PPP1R9A: variants seen among roughly 807,000 people sequenced by gnomAD.
PPP1R9A encodes neurabin-1.
In PPP1R9A, 59 loss-of-function variants were observed where a neutral mutation model predicts 141.9. That is an observed-to-expected ratio of 0.42 (90% confidence interval 0.34 to 0.52). PPP1R9A has a LOEUF of 0.52. Ranked by LOEUF, PPP1R9A falls within the 20% of genes least tolerant of loss-of-function variation. PPP1R9A has a pLI of 0.10. For missense variants in PPP1R9A, 1,444 were observed against 1,611.9 expected, an observed-to-expected ratio of 0.90 and a Z score of 1.78; for synonymous variants, 500 against 569.7, an observed-to-expected ratio of 0.88 and a Z score of 1.74.
chr7:94,996,076 A>G (rs187630536), intron 2 of PPP1R9A, among the ~76,000 whole-genome samples: 98 of 152,282 alleles, frequency 6.4e-4, no homozygotes, highest in Admixed American at 4.2e-3. Context: ...CTATTTCTCC[A>G]TAAATTACAA....
chr7:95,267,215 A>G lies in PPP1R9A; in HGVS notation c.2666-1335A>G, dbSNP rs1005719874. 3.3e-5 allele frequency among the ~76,000 whole-genome samples: 5 copies of G among 152,274 alleles called. No individual in the cohort carries two copies. In the East Asian group the frequency reaches 9.6e-4, roughly 29 times the overall value. ...CTTCCTTGCTTTGGTTTTGTAGTAT[A>G]GCATATTTAGAGCACATCTAGAATA... On this transcript the variant is annotated intron_variant, in intron 12 of 19. Transcript: ENST00000433360.
At chr7:95,078,550 C>T (rs1208349032) in intron 2 of PPP1R9A, among the ~76,000 whole-genome samples, 15 of 152,220 alleles carry the variant, frequency 9.9e-5, no homozygotes, top group South Asian at 2.1e-4. Flanking sequence ...CCTGAGGAAT[C>T]GCCACACTGA....
intron 2 of PPP1R9A, among the ~76,000 whole-genome samples, chr7:95,087,861 C>G (rs1018299391): frequency 6.6e-6 from 1 of 150,384 alleles, no homozygotes; most frequent in African/African-American, 2.5e-5. Flanking sequence ...TGCCACTGCA[C>G]TCCAGCCTAG....
At chr7:95,274,030 G>T in intron 15 of PPP1R9A, 44 bp downstream of exon 15, 1 of 1,496,366 alleles carries the variant, frequency 6.7e-7, no homozygotes, top group Non-Finnish European at 9.1e-7. Context: ...TGTAAAAGGA[G>T]GATTGAAAGA....
chr7:95,273,824 G>T (rs1310739128), intron 14 of PPP1R9A, 75 bp from the exon 15 acceptor site: 2 of 1,293,436 alleles, frequency 1.5e-6, no homozygotes, highest in Non-Finnish European at 2.1e-6. Flanking sequence ...CTTAGATTCA[G>T]AGATGCATTG....
At position 94,910,391 on chromosome 7, in the gene PPP1R9A, A is replaced by C; in HGVS notation, c.278A>C (p.His93Pro). 6.2e-7 allele frequency: 1 copy of C among 1,614,204 alleles called. No individual in the cohort carries two copies. The highest frequency in any genetic ancestry group is 8.5e-7 in the Non-Finnish European group (1 of 1,180,046). ...VIAKTRGKGG[H>P]SSPQRRMKPK... Reference sequence around the variant, plus strand: ...GCCAAAACAAGGGGGAAAGGTGGACATTCATCTCCTCAGAGAAGAATGAAG... The same window carrying C: ...GCCAAAACAAGGGGGAAAGGTGGACCTTCATCTCCTCAGAGAAGAATGAAG... Residue 93 changes from histidine (H) to proline (P), a missense_variant, in exon 2 of 20, where the codon CAT (histidine) becomes CCT (proline). By Grantham distance (77) the His-to-Pro change is moderately conservative (BLOSUM62 -2). Coordinates refer to ENST00000433360, the MANE Select transcript of PPP1R9A (RefSeq NM_001166160.2). This position sits in a 1 kb window ranked among gnomAD's most constrained non-coding sequence, Gnocchi z 4.5.
intron 8 of PPP1R9A, among the ~76,000 whole-genome samples, chr7:95,242,268 T>G (rs899162864): frequency 6.6e-6 from 1 of 152,120 alleles, no homozygotes; most frequent in Non-Finnish European, 1.5e-5. Context: ...AACTAAAAAT[T>G]TAGATCCCAA....
chr7:95,109,339 G>C (rs1045740974), intron 2 of PPP1R9A, among the ~76,000 whole-genome samples: 1 of 152,138 alleles, frequency 6.6e-6, no homozygotes, highest in Non-Finnish European at 1.5e-5. Flanking sequence ...TTATTTTGTA[G>C]GTGCTTATTT....
intron 2 of PPP1R9A, among the ~76,000 whole-genome samples, chr7:94,916,375 A>G (rs1792080230): frequency 6.6e-6 from 1 of 152,170 alleles, no homozygotes; most frequent in African/African-American, 2.4e-5. Flanking sequence ...TCAAGAGATC[A>G]CTCTTTGGAA....
At chr7:95,180,378 CA>C (rs1448740543) in intron 5 of PPP1R9A, among the ~76,000 whole-genome samples, 1 of 152,058 alleles carries the variant, frequency 6.6e-6, no homozygotes, top group Non-Finnish European at 1.5e-5. Flanking sequence ...AAAATCAACT[CA>C]AGATGGATTA....
chr7:95,217,558 C>G lies in PPP1R9A; in HGVS notation c.1957-8403C>G, dbSNP rs1371263365. ...TCAGAAGGAATGGTACCAGCTCCTC[C>G]TTGTACCTCTGGTAGAATTCAGCTG... On this transcript the variant is annotated intron_variant, in intron 7 of 19. Coordinates refer to ENST00000433360, the MANE Select transcript of PPP1R9A (RefSeq NM_001166160.2). Among the ~76,000 whole-genome samples, 5 of 152,244 alleles carry G rather than the reference C, an allele frequency of 3.3e-5. No homozygotes were observed. The East Asian group carries it at 9.6e-4, about 29-fold the overall frequency.
intron 6 of PPP1R9A, among the ~76,000 whole-genome samples, chr7:95,202,089 G>A (rs888701974): frequency 1.3e-5 from 2 of 152,152 alleles, no homozygotes; most frequent in African/African-American, 4.8e-5. Context: ...TAAACCTACA[G>A]TGGAGCTCTA....
rs865837014 is a variant in PPP1R9A, at chr7:95,252,082, G to A, written c.2617G>A (p.Glu873Lys). The A allele has an allele frequency of 6.2e-7, 1 of 1,608,480 alleles. No homozygotes were observed. The highest frequency in any genetic ancestry group is 1.1e-5 in the South Asian group (1 of 89,228). The stretch of plus-strand genomic sequence containing the variant: ...TGAAGTCTCTAAAGGGGATACCATG[G>A]AGAACTTGGATGGCAAGCAGACATC... The part of the protein sequence containing the change: ...LGEVSKGDTM[E>K]NLDGKQTSCQ... Residue 873 changes from glutamate to lysine, a missense_variant, in exon 12 of 20, where the codon GAG becomes AAG. Glu to Lys is a moderately conservative substitution (Grantham distance 56, BLOSUM62 1). Transcript: ENST00000433360.
In PPP1R9A at chr7:95,284,994, CTT is replaced by C. The variant is rs368781198; in HGVS notation, c.3609+667_3609+668del. Among the ~76,000 whole-genome samples, 146 of 152,292 alleles carry C rather than the reference CTT, an allele frequency of 9.6e-4. 1 individual carries two copies. The highest frequency in any genetic ancestry group is 3.2e-3 in the African/African-American group (131 of 41,570). On this transcript the variant is annotated intron_variant, in intron 17 of 19. Transcript: ENST00000433360. ...AATTCTTTTCAGTTTCAATTTAAATCTTTTCAACAGCTCAAAGGGTTTTGACT... is the reference window on the plus strand; with the variant it reads ...AATTCTTTTCAGTTTCAATTTAAATCTTCAACAGCTCAAAGGGTTTTGACT...
At chr7:95,186,288 G>A (rs554457074) in intron 5 of PPP1R9A, among the ~76,000 whole-genome samples, 1 of 152,080 alleles carries the variant, frequency 6.6e-6, no homozygotes, top group South Asian at 2.1e-4. Context: ...TTGTAAAAAA[G>A]GTTGAGTTCT....
intron 2 of PPP1R9A, among the ~76,000 whole-genome samples, chr7:95,085,708 C>T (rs549915316): frequency 6.6e-6 from 1 of 152,092 alleles, no homozygotes; most frequent in South Asian, 2.1e-4. Flanking sequence ...AGCCACTGCA[C>T]CCAGCCCAAA....
chr7:95,196,456 T>C (rs890661565), intron 5 of PPP1R9A, among the ~76,000 whole-genome samples: 1 of 152,220 alleles, frequency 6.6e-6, no homozygotes, highest in Non-Finnish European at 1.5e-5. Flanking sequence ...ATATGACTTA[T>C]CAATTCCATT....
chr7:95,268,751 A>T (rs371622238), intron 13 of PPP1R9A, 44 bp downstream of exon 13: 1 of 1,590,498 alleles, frequency 6.3e-7, no homozygotes, highest in African/African-American at 1.3e-5. Flanking sequence ...GTTGGAGTAT[A>T]TCATTGTTCC....
intron 2 of PPP1R9A, among the ~76,000 whole-genome samples, chr7:94,965,368 G>T (rs933768610): frequency 1.3e-5 from 2 of 151,870 alleles, no homozygotes; most frequent in Non-Finnish European, 2.9e-5. Flanking sequence ...TATTGCTTTT[G>T]GTGTTTTAGT....
Sources: gnomAD v4.1 joint callset for allele counts (sites outside exome capture counted in the v4.1 genomes callset) on GRCh38, gnomAD v4.1.1 for gene constraint, Gnocchi (gnomAD v3.1) non-coding constraint, MANE v1.5 for transcripts, NCBI Gene and HGNC (gene_info 2026-07-23, HGNC 2026-07-21) for gene names.